Variants in SYN3 observed in about 807,000 individuals in gnomAD.
SYN3 encodes synapsin III.
A neutral mutation model predicts 65.8 loss-of-function variants in SYN3; 35 were observed. That is an observed-to-expected ratio of 0.53 (90% CI 0.41 to 0.70). SYN3 has a LOEUF of 0.70. Among genes scored for constraint, SYN3 ranks in the 30% least tolerant of loss-of-function variants. The pLI is 0.00. For synonymous variants in SYN3, 270 were observed against 292.9 expected, an observed-to-expected ratio of 0.92 and a Z score of 0.80; for missense variants, 680 against 749.0, an observed-to-expected ratio of 0.91 and a Z score of 1.08.
At chr22:32,809,645 A>G (rs2046859126) in intron 6 of SYN3, among the ~76,000 whole-genome samples, 1 of 152,256 alleles carries the variant, frequency 6.6e-6, no homozygotes, top group Non-Finnish European at 1.5e-5. Flanking sequence ...AAATTAAAAT[A>G]TAACTAGAAC....
rs116199828 is a variant in SYN3, at chr22:32,522,223, A to C, written c.1319-3889T>G. Among the ~76,000 whole-genome samples, 599 of 152,332 alleles carry C rather than the reference A, an allele frequency of 3.9e-3. 6 individuals are homozygous for C. The highest frequency in any genetic ancestry group is 0.014 in the African/African-American group (586 of 41,582). On this transcript the variant is annotated intron_variant, in intron 12 of 13. Transcript: ENST00000358763. ...GAACTCAATGAAAGCGTTGTTTTTC[A>C]TTAGCCTTGTTATTTTTAATCTGAG...
At chr22:32,765,738 C>T (rs956549741) in intron 6 of SYN3, among the ~76,000 whole-genome samples, 10 of 152,130 alleles carry the variant, frequency 6.6e-5, no homozygotes, top group African/African-American at 2.2e-4. Flanking sequence ...GGACTGTGCA[C>T]CCCTTTGCAC....
intron 6 of SYN3, among the ~76,000 whole-genome samples, chr22:32,812,872 G>A (rs1473050754): frequency 6.6e-6 from 1 of 152,214 alleles, no homozygotes; most frequent in Non-Finnish European, 1.5e-5. Context: ...TCCTGAGGAA[G>A]TTTGGAAGGT....
intron 6 of SYN3, among the ~76,000 whole-genome samples, chr22:32,725,991 C>G (rs996519808): frequency 4.6e-5 from 7 of 152,162 alleles, no homozygotes; most frequent in African/African-American, 1.7e-4. Context: ...CTGGCTCCTT[C>G]CTGGTACATG....
intron 3 of SYN3, among the ~76,000 whole-genome samples, chr22:32,958,453 G>C (rs1601786756): frequency 6.6e-6 from 1 of 152,330 alleles, no homozygotes; most frequent in South Asian, 2.1e-4. Flanking sequence ...AGTCTTTGGA[G>C]AGGTAGAAAC....
intron 6 of SYN3, among the ~76,000 whole-genome samples, chr22:32,753,923 A>T (rs898091347): frequency 6.6e-6 from 1 of 152,236 alleles, no homozygotes; most frequent in African/African-American, 2.4e-5. Context: ...CCCATTTTCC[A>T]TATGAGAAAT....
intron 1 of SYN3, chr22:33,014,995 A>G (rs2053434853): frequency 5.4e-6 from 1 of 185,188 alleles, no homozygotes; most frequent in Non-Finnish European, 1.2e-5. Context: ...CAATTCTTTA[A>G]GAGGATAAGT....
At chr22:32,965,999 C>A (rs2051831458) in intron 3 of SYN3, among the ~76,000 whole-genome samples, 1 of 152,120 alleles carries the variant, frequency 6.6e-6, no homozygotes, top group African/African-American at 2.4e-5. Flanking sequence ...CGGCCAGATT[C>A]CATCTGTTTT....
In SYN3 at chr22:32,513,890, G is replaced by A. The variant is rs2057726986; in HGVS notation, c.1611-66C>T. 5.6e-6 allele frequency: 9 copies of A among 1,597,004 alleles called. No individual in the cohort carries two copies. In the Admixed American group the frequency reaches 1.2e-4, roughly 21 times the overall value. Reference sequence around the variant, plus strand: ...AGACTATCAAAGAAATGGGTCTTGGGGGCTTGCCTGTAAGCCAGATGGGCT... The same window carrying A: ...AGACTATCAAAGAAATGGGTCTTGGAGGCTTGCCTGTAAGCCAGATGGGCT... On this transcript the variant is annotated intron_variant, in intron 13 of 13. Coordinates refer to ENST00000358763, the MANE Select transcript of SYN3 (RefSeq NM_003490.4).
chr22:32,828,848 G>A (rs2047489126), intron 6 of SYN3, among the ~76,000 whole-genome samples: 1 of 152,178 alleles, frequency 6.6e-6, no homozygotes, highest in East Asian at 1.9e-4. Flanking sequence ...GGGCTGAAGA[G>A]TATATCAGCC....
At chr22:33,017,430 G>A (rs2053486023) in intron 1 of SYN3, among the ~76,000 whole-genome samples, 1 of 152,196 alleles carries the variant, frequency 6.6e-6, no homozygotes, top group Non-Finnish European at 1.5e-5. Flanking sequence ...ACATTGGAAT[G>A]TTGATAGGGA....
intron 6 of SYN3, among the ~76,000 whole-genome samples, chr22:32,751,293 G>C (rs2045114824): frequency 6.6e-6 from 1 of 152,238 alleles, no homozygotes; most frequent in Non-Finnish European, 1.5e-5. Flanking sequence ...CGCAATTGCA[G>C]TGCAGTGGTA....
chr22:32,923,591 T>C (rs2050391013), intron 4 of SYN3, among the ~76,000 whole-genome samples: 1 of 152,248 alleles, frequency 6.6e-6, no homozygotes, highest in African/African-American at 2.4e-5. Context: ...ACACAGCAAG[T>C]CAAGAGCACT....
chr22:32,556,421 C>T (rs1305412095), intron 7 of SYN3, among the ~76,000 whole-genome samples: 1 of 152,150 alleles, frequency 6.6e-6, no homozygotes, highest in African/African-American at 2.4e-5. Context: ...CACAAAGATG[C>T]AACATCACTG....
At position 32,705,063 on chromosome 22, in the gene SYN3, T is replaced by G. The variant is rs111263825; in HGVS notation, c.712-108327A>C. On this transcript the variant is annotated intron_variant, in intron 6 of 13. Transcript: ENST00000358763. ...GCAGAAGCTCTTACGTTGAATTAGA[T>G]CTCATTTGTCAATTTTTGCTTTTGT... is the stretch of plus-strand genomic sequence containing the variant. 6.5e-3 allele frequency among the ~76,000 whole-genome samples: 995 copies of G among 152,344 alleles called. 12 individuals are homozygous for G. The highest frequency in any genetic ancestry group is 0.021 in the African/African-American group (862 of 41,574).
intron 2 of SYN3, among the ~76,000 whole-genome samples, chr22:32,994,158 G>A (rs927447916): frequency 3.9e-5 from 6 of 152,282 alleles, no homozygotes; most frequent in Admixed American, 3.3e-4. Context: ...GGGCTTGGGT[G>A]CCGCACAAGG....
chr22:32,599,657 T>C (rs1289471845), intron 6 of SYN3, among the ~76,000 whole-genome samples: 1 of 152,098 alleles, frequency 6.6e-6, no homozygotes, highest in Non-Finnish European at 1.5e-5. Flanking sequence ...TCAAGCACTC[T>C]CTCCATCAAG....
intron 8 of SYN3, among the ~76,000 whole-genome samples, chr22:32,538,969 T>C (rs2058209822): frequency 6.6e-6 from 1 of 152,146 alleles, no homozygotes; most frequent in Non-Finnish European, 1.5e-5. Context: ...AGTAGGCACC[T>C]ACTGGGTGAG....
At chr22:32,844,627 C>A (rs1214788982) in intron 6 of SYN3, among the ~76,000 whole-genome samples, 1 of 152,188 alleles carries the variant, frequency 6.6e-6, no homozygotes, top group African/African-American at 2.4e-5. Flanking sequence ...TAAGTTCACA[C>A]ATCCTAGTTA....
Sources: gnomAD v4.1 joint callset for allele counts (sites outside exome capture counted in the v4.1 genomes callset) on GRCh38, gnomAD v4.1.1 for gene constraint, MANE v1.5 for transcripts, NCBI Gene and HGNC (gene_info 2026-07-23, HGNC 2026-07-21) for gene names.